The following ABCC4 variants were observed in gnomAD, a reference collection of about 807,000 sequenced individuals.
The protein encoded by ABCC4 is ATP binding cassette subfamily C member 4 (PEL blood group).
ABCC4 carries 102 observed loss-of-function variants against 168.5 expected under a neutral mutation model. The ratio of observed to expected loss-of-function variants is 0.61; its 90% CI spans 0.52 to 0.71. The LOEUF (loss-of-function observed/expected upper bound fraction) is 0.71. ABCC4 is among the 30% of genes least tolerant of loss of function. The probability of loss-of-function intolerance (pLI) is 0.00; values close to 1 mark genes in which losing one functional copy is unlikely to be tolerated. For synonymous variants in ABCC4, 617 were observed against 590.7 expected, an observed-to-expected ratio of 1.04 and a Z score of -0.65; for missense variants, 1,402 against 1,605.8, an observed-to-expected ratio of 0.87 and a Z score of 2.17.
chr13:95,218,919 GAAAGAAAGAGAA>G (rs2039208163), intron 4 of ABCC4, among the ~76,000 whole-genome samples: 2 of 22,018 alleles, frequency 9.1e-5, no homozygotes, highest in African/African-American at 3.8e-4. Context: ...GAGAGAGAGA[GAAAGAAAGAGAA>G]AGAAAGAAAG....
chr13:95,202,644 CTTTTT>C (rs10603210), intron 8 of ABCC4, among the ~76,000 whole-genome samples: 2 of 93,068 alleles, frequency 2.1e-5, no homozygotes, highest in Non-Finnish European at 4.2e-5. Flanking sequence ...AGAATGTGCA[CTTTTT>C]TTTTTTTTTT....
intron 19 of ABCC4, among the ~76,000 whole-genome samples, chr13:95,116,776 A>G (rs1350467479): frequency 6.6e-6 from 1 of 152,190 alleles, no homozygotes; most frequent in Non-Finnish European, 1.5e-5. Flanking sequence ...TATTCTTTCA[A>G]ATGATTTCCT....
chr13:95,031,445 C>T (rs2031872789), intron 30 of ABCC4, among the ~76,000 whole-genome samples: 1 of 152,178 alleles, frequency 6.6e-6, no homozygotes, highest in Non-Finnish European at 1.5e-5. Flanking sequence ...CTTCTGTTCT[C>T]CACGGACCAG....
chr13:95,096,179 T>C (rs1362570378), intron 20 of ABCC4: 1 of 637,556 alleles, frequency 1.6e-6, no homozygotes, highest in South Asian at 1.8e-5. Context: ...AGATCCCATC[T>C]CTATGAAAGA....
At chr13:95,202,265 G>C (rs759224321) in intron 8 of ABCC4, among the ~76,000 whole-genome samples, 10 of 152,208 alleles carry the variant, frequency 6.6e-5, no homozygotes, top group African/African-American at 9.7e-5. Flanking sequence ...TGGCCTGCCA[G>C]CTGCCCTGCA....
At chr13:95,273,571 G>C (rs1278520773) in intron 1 of ABCC4, among the ~76,000 whole-genome samples, 1 of 152,176 alleles carries the variant, frequency 6.6e-6, no homozygotes, top group Non-Finnish European at 1.5e-5. Flanking sequence ...TTTGTCCTAA[G>C]ACTTTGACTG....
chr13:95,225,451 C>T (rs984943828), intron 4 of ABCC4, among the ~76,000 whole-genome samples: 2 of 152,108 alleles, frequency 1.3e-5, no homozygotes, highest in Admixed American at 6.5e-5. Context: ...GGGTGGATCA[C>T]CTGAGGTCAG....
At chr13:95,110,469 C>G (rs2035166235) in intron 20 of ABCC4, among the ~76,000 whole-genome samples, 3 of 152,118 alleles carry the variant, frequency 2.0e-5, no homozygotes, top group Admixed American at 2.0e-4. Context: ...ATCTCCCCAT[C>G]AAATACTACA....
At chr13:95,197,691 T>C (rs923441620) in intron 8 of ABCC4, among the ~76,000 whole-genome samples, 2 of 152,114 alleles carry the variant, frequency 1.3e-5, no homozygotes. Flanking sequence ...GACTTCAGAG[T>C]GGACGGTTGG....
rs866020434 is a variant in ABCC4, at chr13:95,109,421, G to T, written c.2535+6501C>A. 5.4e-5 allele frequency among the ~76,000 whole-genome samples: 5 copies of T among 93,418 alleles called. No individual in the cohort carries two copies. In the South Asian group the frequency reaches 2.3e-3, roughly 43 times the overall value. 61.3% of individuals were successfully genotyped at this position (93,418 alleles called of 152,430 possible). A position where few individuals can be genotyped will look rare whatever the true frequency, so the allele number is the denominator to read the frequency against. ...ACACACACACACACACACACACACA[G>T]GTGCCAACAGTCTGGCATGCACATA... On this transcript the variant is annotated intron_variant, in intron 20 of 30. Transcript: ENST00000645237.
intron 20 of ABCC4, among the ~76,000 whole-genome samples, chr13:95,097,041 A>G (rs1256104798): frequency 6.6e-6 from 1 of 152,204 alleles, no homozygotes; most frequent in Non-Finnish European, 1.5e-5. Flanking sequence ...ATATGACAAC[A>G]TAAGCCCAAA....
Position 95,083,135 on chromosome 13 carries a change from C to T in ABCC4, c.2686+5G>A. 3 of 1,613,062 alleles carry T rather than the reference C, an allele frequency of 1.9e-6. No individual in the cohort carries two copies. Among genetic ancestry groups the T allele is most frequent in the Non-Finnish European group, 2.5e-6 (3 of 1,179,466 alleles). ...GTCTATACCAACCCGAGTTTCCATA[C>T]TCACTTGTAGATTCCAGGCGCTTCA... is the stretch of plus-strand genomic sequence containing the variant. On this transcript the variant is annotated splice_donor_5th_base_variant and intron_variant, in intron 21 of 30. Coordinates refer to ENST00000645237, the MANE Select transcript of ABCC4 (RefSeq NM_005845.5).
chr13:95,064,277 TATATATATATATATATATATAC>T (rs1403056951), intron 25 of ABCC4, among the ~76,000 whole-genome samples: 17 of 92,608 alleles, frequency 1.8e-4, no homozygotes, highest in South Asian at 3.0e-4. Flanking sequence ...TATATATATA[TATATATATATATATATATATAC>T]ACACACACAC....
rs537702613 is a variant in ABCC4 at position 95,240,816 on chromosome 13, CA to C, written c.307-5983del. Among the ~76,000 whole-genome samples the C allele has an allele frequency of 2.8e-3, 424 of 151,842 alleles. 1 individual carries two copies. The highest frequency in any genetic ancestry group is 4.6e-3 in the Non-Finnish European group (314 of 67,900). ...TAAAACCCTGTCTCTACTAAAAATA[CA>C]AAAATTAGCTACATGTGGTGGTATA... On this transcript the variant is annotated intron_variant, in intron 3 of 30. Transcript: ENST00000645237.
At position 95,264,980 on chromosome 13, in the gene ABCC4, T is replaced by C. The variant is rs2040631490; in HGVS notation, c.75-17227A>G. Among the ~76,000 whole-genome samples the C allele has an allele frequency of 2.6e-5, 4 of 151,504 alleles. No individual in the cohort carries two copies. The South Asian group carries it at 8.4e-4, about 32-fold the overall frequency. ...GCTTCCTGGGTTCAAGCGATTCTCC[T>C]GCCTCAGCCTCCTGAGTAGCTGGGA... On this transcript the variant is annotated intron_variant, in intron 1 of 30. Coordinates refer to ENST00000645237, the MANE Select transcript of ABCC4 (RefSeq NM_005845.5).
At chr13:95,143,656 T>C (rs541801230) in intron 19 of ABCC4, among the ~76,000 whole-genome samples, 1 of 152,218 alleles carries the variant, frequency 6.6e-6, no homozygotes, top group South Asian at 2.1e-4. Flanking sequence ...GGAATAGCTA[T>C]GGTAGCACCA....
chr13:95,043,645 T>G, intron 29 of ABCC4, 37 bp downstream of exon 29: 1 of 1,512,902 alleles, frequency 6.6e-7, no homozygotes, highest in Non-Finnish European at 9.2e-7. Context: ...GTGAACATAA[T>G]TGGGAGCAAC....
At chr13:95,223,126 G>T (rs1023167007) in intron 4 of ABCC4, among the ~76,000 whole-genome samples, 1 of 152,138 alleles carries the variant, frequency 6.6e-6, no homozygotes, top group Non-Finnish European at 1.5e-5. Context: ...AATTTCCAAA[G>T]TTCTGCCCTA....
At chr13:95,086,405 T>G (rs1321434556) in intron 20 of ABCC4, among the ~76,000 whole-genome samples, 1 of 152,180 alleles carries the variant, frequency 6.6e-6, no homozygotes, top group Non-Finnish European at 1.5e-5. Context: ...TGAATACATT[T>G]CATATTCAAT....
Sources: allele counts gnomAD v4.1 joint callset (sites outside exome capture counted in the v4.1 genomes callset), GRCh38; gene constraint gnomAD v4.1.1; transcripts MANE v1.5; gene names NCBI Gene and HGNC (gene_info 2026-07-23, HGNC 2026-07-21).